Variants in NKAIN3 observed in about 807,000 individuals in gnomAD.
NKAIN3 encodes sodium/potassium transporting ATPase interacting 3.
A neutral mutation model predicts 30.2 loss-of-function variants in NKAIN3; 25 were observed. That is an observed-to-expected ratio of 0.83 (90% confidence interval 0.60 to 1.16). The LOEUF (loss-of-function observed/expected upper bound fraction) is 1.16, where lower values mean the gene tolerates loss of function less well. Ranked by LOEUF, NKAIN3 falls within the 50% of genes most tolerant of loss-of-function variation. NKAIN3 has a pLI of 0.00. For synonymous variants in NKAIN3, 91 were observed against 89.6 expected, an observed-to-expected ratio of 1.02 and a Z score of -0.09; for missense variants, 225 against 254.1, an observed-to-expected ratio of 0.89 and a Z score of 0.78.
chr8:62,904,683 C>T (rs1455579), intron 4 of NKAIN3, among the ~76,000 whole-genome samples: 6,451 of 152,276 alleles, frequency 0.042, 401 homozygotes, highest in African/African-American at 0.13. Context: ...CCTGGTTTTC[C>T]TCCCTTACCT....
chr8:62,500,476 A>G (rs59059440), intron 1 of NKAIN3, among the ~76,000 whole-genome samples: 32 of 136,418 alleles, frequency 2.3e-4, no homozygotes, highest in African/African-American at 7.6e-4. Flanking sequence ...AAAGAAAGAA[A>G]GAAAGAAAGA....
intron 4 of NKAIN3, among the ~76,000 whole-genome samples, chr8:62,870,635 T>G (rs1820599549): frequency 2.5e-5 from 2 of 80,142 alleles, no homozygotes; most frequent in African/African-American, 5.8e-5. Context: ...ATAAACTCTA[T>G]TTTATATATA....
chr8:62,534,676 G>A (rs1349595022), intron 1 of NKAIN3, among the ~76,000 whole-genome samples: 1 of 152,106 alleles, frequency 6.6e-6, no homozygotes, highest in Non-Finnish European at 1.5e-5. Context: ...TAAATCTGGA[G>A]TAAAGCCTGG....
At chr8:62,705,805 T>C (rs1227015210) in intron 3 of NKAIN3, among the ~76,000 whole-genome samples, 1 of 152,194 alleles carries the variant, frequency 6.6e-6, no homozygotes, top group Non-Finnish European at 1.5e-5. Context: ...TCATGGTTTC[T>C]GCATGTTACA....
At chr8:62,872,873 C>T (rs1285094522) in intron 4 of NKAIN3, among the ~76,000 whole-genome samples, 2 of 151,946 alleles carry the variant, frequency 1.3e-5, no homozygotes, top group East Asian at 1.9e-4. Flanking sequence ...GCACTAAATA[C>T]GGAAAGGAAA....
chr8:62,539,108 A>G (rs1203400681), intron 1 of NKAIN3, among the ~76,000 whole-genome samples: 2 of 151,892 alleles, frequency 1.3e-5, no homozygotes, highest in African/African-American at 4.8e-5. Flanking sequence ...CTATCTACCA[A>G]CTCCTGTGTC....
chr8:62,782,094 T>C (rs1431164036), intron 4 of NKAIN3, among the ~76,000 whole-genome samples: 1 of 151,638 alleles, frequency 6.6e-6, no homozygotes, highest in Admixed American at 6.6e-5. Flanking sequence ...AAAATTCTCA[T>C]TAAAAAATGG....
intron 3 of NKAIN3, among the ~76,000 whole-genome samples, chr8:62,610,407 G>A (rs377265573): frequency 6.6e-6 from 1 of 151,722 alleles, no homozygotes; most frequent in Admixed American, 6.6e-5. Context: ...AGAATAATGA[G>A]TTTGAATAAT....
chr8:62,523,643 G>T (rs1277877075), intron 1 of NKAIN3, among the ~76,000 whole-genome samples: 1 of 152,056 alleles, frequency 6.6e-6, no homozygotes, highest in Non-Finnish European at 1.5e-5. Flanking sequence ...AAATGGTTAG[G>T]TCTACACTAT....
chr8:62,282,007 A>T (rs866125251), intron 1 of NKAIN3, among the ~76,000 whole-genome samples: 4 of 148,192 alleles, frequency 2.7e-5, no homozygotes, highest in African/African-American at 5.0e-5. Flanking sequence ...TTTTTTTTTT[A>T]ATTTTCTCCA....
chr8:62,272,243 G>A (rs1314753905), intron 1 of NKAIN3, among the ~76,000 whole-genome samples: 3 of 152,178 alleles, frequency 2.0e-5, no homozygotes, highest in Non-Finnish European at 4.4e-5. Flanking sequence ...GGGCAGCATT[G>A]TACTTTTCTA....
At chr8:62,320,357 G>A (rs1412459730) in intron 1 of NKAIN3, among the ~76,000 whole-genome samples, 1 of 152,108 alleles carries the variant, frequency 6.6e-6, no homozygotes, top group Admixed American at 6.5e-5. Flanking sequence ...TGTTATGTGT[G>A]TATTTGATCC....
At chr8:62,572,011 T>C (rs1474362297) in intron 1 of NKAIN3, among the ~76,000 whole-genome samples, 1 of 152,208 alleles carries the variant, frequency 6.6e-6, no homozygotes, top group Admixed American at 6.5e-5. Flanking sequence ...GGCTTCTCTT[T>C]ACTTAGGCAA....
chr8:62,489,047 A>T (rs1170743908), intron 1 of NKAIN3, among the ~76,000 whole-genome samples: 1 of 152,170 alleles, frequency 6.6e-6, no homozygotes, highest in Non-Finnish European at 1.5e-5. Context: ...TTGAAATTTT[A>T]AAATTAATCA....
In NKAIN3 at chr8:62,578,918, G is replaced by A. The variant is rs1810205949; in HGVS notation, c.55-621G>A. 2.6e-5 allele frequency among the ~76,000 whole-genome samples: 4 copies of A among 152,106 alleles called. No homozygotes were observed. In the South Asian group the frequency reaches 8.3e-4, roughly 32 times the overall value. ...AAGGGGAGCGAGGAAAAGATAAAAT[G>A]AGGATGGTTAATAAATGCAAAAATA... On this transcript the variant is annotated intron_variant, in intron 1 of 6. Coordinates refer to ENST00000623646, the MANE Select transcript of NKAIN3 (RefSeq NM_001304533.3).
Position 62,507,056 on chromosome 8 carries a change from G to T in NKAIN3, c.55-72483G>T, listed in dbSNP as rs140745288. ...TTGCTAATGTAAAATGTTTTTGATT[G>T]TGAACATGCTGCTGTGTGATCTTCT... On this transcript the variant is annotated intron_variant, in intron 1 of 6. Transcript: ENST00000623646. 8.1e-3 allele frequency among the ~76,000 whole-genome samples: 1,231 copies of T among 152,272 alleles called. 12 individuals carry two copies. The highest frequency in any genetic ancestry group is 0.027 in the African/African-American group (1,128 of 41,564).
chr8:62,356,336 A>C (rs1816355758), intron 1 of NKAIN3, among the ~76,000 whole-genome samples: 1 of 152,164 alleles, frequency 6.6e-6, no homozygotes, highest in African/African-American at 2.4e-5. Flanking sequence ...AAATGTATAT[A>C]CTGCTGGTGT....
rs115944754 is a variant in NKAIN3, at chr8:62,440,082, G to A, written c.55-139457G>A. On this transcript the variant is annotated intron_variant, in intron 1 of 6. Transcript: ENST00000623646. ...GTCCTTTGCTTTTACTAAAAGGTGC[G>A]TTTTATTTACTCCTTTTTGCAATTC... is the stretch of plus-strand genomic sequence containing the variant. Among the ~76,000 whole-genome samples, 761 of 152,086 alleles carry A rather than the reference G, an allele frequency of 5.0e-3. 5 individuals carry two copies. The highest frequency in any genetic ancestry group is 0.018 in the African/African-American group (731 of 41,504).
intron 1 of NKAIN3, among the ~76,000 whole-genome samples, chr8:62,472,310 G>A (rs1441787223): frequency 1.3e-5 from 2 of 152,174 alleles, no homozygotes; most frequent in Non-Finnish European, 2.9e-5. Context: ...CAAGGAAGGT[G>A]AAGCTGAGTG....
Sources: allele counts gnomAD v4.1 joint callset (sites outside exome capture counted in the v4.1 genomes callset), GRCh38; gene constraint gnomAD v4.1.1; transcripts MANE v1.5; gene names NCBI Gene and HGNC (gene_info 2026-07-23, HGNC 2026-07-21).